The following NRXN3 variants were observed in gnomAD, a reference collection of about 807,000 sequenced individuals.
The protein encoded by NRXN3 is neurexin 3.
Under a neutral mutation model 137.6 loss-of-function variants are expected in NRXN3, and 32 were observed. That is an observed-to-expected ratio of 0.23 (90% CI 0.18 to 0.31). The LOEUF (loss-of-function observed/expected upper bound fraction) is 0.31. Among genes scored for constraint, NRXN3 ranks in the 10% least tolerant of loss-of-function variants. NRXN3 has a pLI of 1.00. For synonymous variants in NRXN3, 798 were observed against 784.5 expected (o/e 1.02, Z -0.29); for missense variants, 1,574 against 2,062.5 (o/e 0.76, Z 4.59).
intron 16 of NRXN3, among the ~76,000 whole-genome samples, chr14:79,636,281 A>G (rs2098402777): frequency 6.6e-6 from 1 of 152,232 alleles, no homozygotes; most frequent in South Asian, 2.1e-4. Context: ...TTTTCAGAAT[A>G]TCAGTACGAT....
chr14:78,272,548 C>G (rs1256577863), intron 2 of NRXN3, among the ~76,000 whole-genome samples: 2 of 152,134 alleles, frequency 1.3e-5, no homozygotes, highest in Non-Finnish European at 2.9e-5. Flanking sequence ...ACATATAGCC[C>G]AGGGCAGGGG....
intron 15 of NRXN3, among the ~76,000 whole-genome samples, chr14:79,205,306 A>G (rs1248782309): frequency 6.6e-6 from 1 of 152,136 alleles, no homozygotes; most frequent in East Asian, 1.9e-4. Context: ...TTTCAATTCT[A>G]ATTAACATTG....
chr14:79,492,243 T>A (rs1049591313), intron 16 of NRXN3, among the ~76,000 whole-genome samples: 2 of 152,166 alleles, frequency 1.3e-5, no homozygotes, highest in Non-Finnish European at 2.9e-5. Flanking sequence ...GCTAGAAAAA[T>A]CACCCTAAAC....
At chr14:79,244,439 G>T (rs1256272214) in intron 15 of NRXN3, among the ~76,000 whole-genome samples, 1 of 152,156 alleles carries the variant, frequency 6.6e-6, no homozygotes, top group African/African-American at 2.4e-5. Flanking sequence ...GAGAAGTCCA[G>T]TTCAGCCTCA....
At chr14:78,953,869 A>G (rs1567807180) in intron 10 of NRXN3, among the ~76,000 whole-genome samples, 1 of 152,246 alleles carries the variant, frequency 6.6e-6, no homozygotes, top group Admixed American at 6.5e-5. Context: ...GTTATTAAAA[A>G]TGCAGGAAAG....
At chr14:78,343,511 TTAGAG>T (rs1336670546) in intron 4 of NRXN3, among the ~76,000 whole-genome samples, 1 of 152,208 alleles carries the variant, frequency 6.6e-6, no homozygotes, top group East Asian at 1.9e-4. Flanking sequence ...GCCACTATCT[TTAGAG>T]TACTTTCAAA....
At chr14:78,834,561 C>T (rs1045946075) in intron 10 of NRXN3, among the ~76,000 whole-genome samples, 2 of 152,114 alleles carry the variant, frequency 1.3e-5, no homozygotes, top group African/African-American at 2.4e-5. Flanking sequence ...GGCTGGCTTG[C>T]GTGGCCCTTG....
At chr14:79,105,806 G>T (rs2052319327) in intron 15 of NRXN3, among the ~76,000 whole-genome samples, 1 of 152,106 alleles carries the variant, frequency 6.6e-6, no homozygotes, top group Non-Finnish European at 1.5e-5. Flanking sequence ...GCCTGGGGCA[G>T]GTTCACAAGA....
At chr14:79,435,435 ATGT>A (rs1287451679) in intron 15 of NRXN3, among the ~76,000 whole-genome samples, 1 of 152,084 alleles carries the variant, frequency 6.6e-6, no homozygotes, top group Non-Finnish European at 1.5e-5. Context: ...GACATGAAAG[ATGT>A]TGTGGGACAG....
intron 4 of NRXN3, among the ~76,000 whole-genome samples, chr14:78,462,274 C>T (rs976580452): frequency 1.1e-4 from 17 of 152,134 alleles, no homozygotes; most frequent in African/African-American, 4.1e-4. Context: ...AGCTGCTTTC[C>T]CTCCTCTGTA....
intron 15 of NRXN3, among the ~76,000 whole-genome samples, chr14:79,079,696 A>G (rs149269043): frequency 5.9e-5 from 9 of 152,312 alleles, no homozygotes; most frequent in African/African-American, 2.2e-4. Flanking sequence ...AGAGATCAAA[A>G]AGAAAAAGTC....
At chr14:79,582,652 C>A (rs915835332) in intron 16 of NRXN3, among the ~76,000 whole-genome samples, 1 of 150,812 alleles carries the variant, frequency 6.6e-6, no homozygotes, top group African/African-American at 2.4e-5. Context: ...ATCTCTTGAT[C>A]TCGTGATCTG....
intron 1 of NRXN3, among the ~76,000 whole-genome samples, chr14:78,172,831 A>T (rs2058862992): frequency 6.6e-6 from 1 of 152,170 alleles, no homozygotes. Flanking sequence ...CAGAAATTAA[A>T]GGGATTCTAG....
At chr14:78,698,985 C>T (rs1221836900) in intron 6 of NRXN3, among the ~76,000 whole-genome samples, 2 of 151,982 alleles carry the variant, frequency 1.3e-5, no homozygotes, top group Non-Finnish European at 2.9e-5. Context: ...TGTGATTTTC[C>T]TTGCTCTTCT....
intron 20 of NRXN3, among the ~76,000 whole-genome samples, chr14:79,825,486 G>A (rs2099294153): frequency 6.6e-6 from 1 of 152,130 alleles, no homozygotes; most frequent in Non-Finnish European, 1.5e-5. Context: ...GTTTTAAAAC[G>A]ATGCACAAAG....
Position 79,184,190 on chromosome 14 carries a change from T to G in NRXN3, c.3262+196049T>G, listed in dbSNP as rs967005729. On this transcript the variant is annotated intron_variant, in intron 15 of 20. Transcript: ENST00000335750. ...ATGTAAGCTCATTAATGAAACCATT[T>G]TGGCAGGCCAGATGATATAATTAGC... is the stretch of plus-strand genomic sequence containing the variant. 2.0e-5 allele frequency among the ~76,000 whole-genome samples: 3 copies of G among 152,202 alleles called. No homozygotes were observed. The South Asian group carries it at 6.2e-4, about 32-fold the overall frequency.
At chr14:79,293,927 T>C (rs1457409956) in intron 15 of NRXN3, among the ~76,000 whole-genome samples, 1 of 152,244 alleles carries the variant, frequency 6.6e-6, no homozygotes, top group African/African-American at 2.4e-5. Context: ...AGAAATTAAA[T>C]TGAAGTATAA....
chr14:79,688,545 C>T (rs528671829), intron 17 of NRXN3, among the ~76,000 whole-genome samples: 39 of 152,256 alleles, frequency 2.6e-4, no homozygotes, highest in Admixed American at 9.2e-4. Context: ...TAATAAATTT[C>T]GAGTCTCACC....
intron 16 of NRXN3, among the ~76,000 whole-genome samples, chr14:79,596,741 G>T (rs2097862496): frequency 6.6e-6 from 1 of 152,140 alleles, no homozygotes; most frequent in Admixed American, 6.5e-5. Context: ...TCTGGTCGGG[G>T]AGGGGTTTAT....
Sources: gnomAD v4.1 joint callset for allele counts (sites outside exome capture counted in the v4.1 genomes callset) on GRCh38, gnomAD v4.1.1 for gene constraint, MANE v1.5 for transcripts, NCBI Gene and HGNC (gene_info 2026-07-23, HGNC 2026-07-21) for gene names.